Variants in TPST1 observed in about 807,000 individuals in gnomAD.
The protein encoded by TPST1 is protein-tyrosine sulfotransferase 1.
A neutral mutation model predicts 34.8 loss-of-function variants in TPST1; 20 were observed. The ratio of observed to expected loss-of-function variants is 0.57; its 90% CI spans 0.40 to 0.84. The LOEUF (loss-of-function observed/expected upper bound fraction) is 0.84, where lower values mean the gene tolerates loss of function less well. TPST1 is among the 40% of genes least tolerant of loss of function. TPST1 has a pLI of 0.00. For synonymous variants in TPST1, 152 were observed against 159.4 expected, an observed-to-expected ratio of 0.95 and a Z score of 0.35; for missense variants, 353 against 455.5, an observed-to-expected ratio of 0.78 and a Z score of 2.05.
intron 2 of TPST1, among the ~76,000 whole-genome samples, chr7:66,251,628 G>A (rs1790263567): frequency 6.6e-6 from 1 of 152,208 alleles, no homozygotes; most frequent in Admixed American, 6.5e-5. Flanking sequence ...ATGGCAGGTT[G>A]GGAATGCTGG....
At chr7:66,255,899 T>G (rs1015379330) in intron 2 of TPST1, among the ~76,000 whole-genome samples, 1 of 151,906 alleles carries the variant, frequency 6.6e-6, no homozygotes, top group East Asian at 1.9e-4. Flanking sequence ...AGCAGTACAG[T>G]TTTTTTTAGT....
chr7:66,328,279 A>G (rs1284404740), intron 3 of TPST1, among the ~76,000 whole-genome samples: 4 of 151,196 alleles, frequency 2.6e-5, no homozygotes, highest in Admixed American at 6.6e-5. Flanking sequence ...TTCTCGCCCC[A>G]GCCTCCCAAA....
intron 3 of TPST1, among the ~76,000 whole-genome samples, chr7:66,325,865 A>AGCTCG (rs923736040): frequency 3.9e-5 from 6 of 152,092 alleles, no homozygotes; most frequent in African/African-American, 1.4e-4. Flanking sequence ...CGAACTCCTG[A>AGCTCG]GCTCGTGATC....
chr7:66,257,195 C>T (rs1280887046), intron 2 of TPST1, among the ~76,000 whole-genome samples: 1 of 152,188 alleles, frequency 6.6e-6, no homozygotes, highest in African/African-American at 2.4e-5. Flanking sequence ...CCCCAAAGTG[C>T]TAGGATTACA....
At chr7:66,234,506 G>T (rs897115190) in intron 1 of TPST1, among the ~76,000 whole-genome samples, 41 of 151,368 alleles carry the variant, frequency 2.7e-4, no homozygotes, top group Non-Finnish European at 4.4e-5. Context: ...GCTTGTTATT[G>T]GTCGTTTGGG....
At chr7:66,345,772 C>T (rs186662681) in intron 3 of TPST1, among the ~76,000 whole-genome samples, 20 of 152,102 alleles carry the variant, frequency 1.3e-4, no homozygotes, top group Admixed American at 9.2e-4. Context: ...GTAATAATCA[C>T]ATCAGGATGA....
chr7:66,327,722 T>TA lies in TPST1; in HGVS notation c.1045-24769dup, dbSNP rs1178857668. Among the ~76,000 whole-genome samples the TA allele has an allele frequency of 7.7e-3, 844 of 109,528 alleles. 6 individuals carry two copies. Among genetic ancestry groups the TA allele is most frequent in the African/African-American group, 0.022 (567 of 26,202 alleles). 71.9% of individuals were successfully genotyped at this position (109,528 alleles called of 152,430 possible). ...TGGGTGACAGAGAAAGACCCTGTCT[T>TA]AAAAAAAAAAAAAAGTGCGTGTGTG... On this transcript the variant is annotated intron_variant, in intron 3 of 5. Coordinates refer to ENST00000304842, the MANE Select transcript of TPST1 (RefSeq NM_003596.4).
In TPST1 at chr7:66,231,899, TCTCA is replaced by T. The variant is rs1197182543; in HGVS notation, c.-101-8423_-101-8420del. On this transcript the variant is annotated intron_variant, in intron 1 of 5. Transcript: ENST00000304842. ...TGAGGACTGCCAGCACGCTGTCATC[TCTCA>T]CTATCACTTAACATCTTTAAGTGAT... is the stretch of plus-strand genomic sequence containing the variant. Among the ~76,000 whole-genome samples, 15 of 152,384 alleles carry T rather than the reference TCTCA, an allele frequency of 9.8e-5. No individual in the cohort carries two copies. The East Asian group carries it at 2.5e-3, about 25-fold the overall frequency.
At chr7:66,298,349 CCTT>C (rs2116017396) in intron 3 of TPST1, among the ~76,000 whole-genome samples, 1 of 152,258 alleles carries the variant, frequency 6.6e-6, no homozygotes, top group Admixed American at 6.5e-5. Context: ...CCCATTTAGA[CCTT>C]CTTGAAGAAG....
At chr7:66,344,272 T>C (rs559797423) in intron 3 of TPST1, 1 of 152,104 alleles carries the variant, frequency 6.6e-6, no homozygotes, top group Non-Finnish European at 1.5e-5. Flanking sequence ...ATCCAAAAAC[T>C]GTGGGACAGT....
intron 2 of TPST1, among the ~76,000 whole-genome samples, chr7:66,243,297 T>A (rs1790075510): frequency 6.6e-6 from 1 of 152,144 alleles, no homozygotes; most frequent in South Asian, 2.1e-4. Context: ...ACACTTGGTA[T>A]TTTAGTCTTT....
chr7:66,264,389 G>A (rs1584189752), intron 2 of TPST1, among the ~76,000 whole-genome samples: 2 of 152,176 alleles, frequency 1.3e-5, no homozygotes, highest in South Asian at 2.1e-4. Context: ...TCTACCTCTC[G>A]CTGATCTTGA....
At chr7:66,210,925 T>C (rs1254009555) in intron 1 of TPST1, among the ~76,000 whole-genome samples, 2 of 152,064 alleles carry the variant, frequency 1.3e-5, no homozygotes, top group Non-Finnish European at 2.9e-5. Flanking sequence ...GCTATGATCA[T>C]GCCATTGCTC....
At chr7:66,349,113 G>A (rs1033743153) in intron 3 of TPST1, among the ~76,000 whole-genome samples, 1 of 152,212 alleles carries the variant, frequency 6.6e-6, no homozygotes, top group African/African-American at 2.4e-5. Context: ...GATGCAATGA[G>A]TGTGGTTTAA....
intron 2 of TPST1, among the ~76,000 whole-genome samples, chr7:66,248,923 A>C (rs758859823): frequency 6.6e-6 from 1 of 152,096 alleles, no homozygotes; most frequent in African/African-American, 2.4e-5. Flanking sequence ...GATTTCTCGC[A>C]GTTTTGGAGG....
chr7:66,234,865 A>G (rs1319727773), intron 1 of TPST1, among the ~76,000 whole-genome samples: 3 of 151,954 alleles, frequency 2.0e-5, no homozygotes, highest in African/African-American at 7.3e-5. Flanking sequence ...TTTAGTAGAG[A>G]TGGGGTTTCA....
chr7:66,216,473 T>C (rs1487840362), intron 1 of TPST1, among the ~76,000 whole-genome samples: 3 of 140,882 alleles, frequency 2.1e-5, no homozygotes, highest in Non-Finnish European at 4.8e-5. Context: ...TTTGCTCTTT[T>C]TCTTTTTTTT....
At chr7:66,268,173 G>A (rs1369725980) in intron 2 of TPST1, among the ~76,000 whole-genome samples, 2 of 152,028 alleles carry the variant, frequency 1.3e-5, no homozygotes, top group African/African-American at 2.4e-5. Context: ...GGCTGGTCTT[G>A]AACTCCTGAC....
intron 3 of TPST1, among the ~76,000 whole-genome samples, chr7:66,296,245 C>CCT (rs1562832571): frequency 1.2e-4 from 13 of 105,960 alleles, no homozygotes; most frequent in East Asian, 3.0e-4. Context: ...AACACCCACC[C>CCT]TTCCCCCCCC....
Sources: allele counts gnomAD v4.1 joint callset (sites outside exome capture counted in the v4.1 genomes callset), GRCh38; gene constraint gnomAD v4.1.1; transcripts MANE v1.5; gene names NCBI Gene and HGNC (gene_info 2026-07-23, HGNC 2026-07-21).